PSTPIP2: variants seen among roughly 807,000 people sequenced by gnomAD.
PSTPIP2 encodes the protein proline-serine-threonine phosphatase-interacting protein 2.
A neutral mutation model predicts 63.3 loss-of-function variants in PSTPIP2; 33 were observed. The observed-to-expected ratio is 0.52, with a 90% CI of 0.40 to 0.70. PSTPIP2 has a LOEUF of 0.70. Among genes scored for constraint, PSTPIP2 ranks in the 30% least tolerant of loss-of-function variants. The pLI is 0.00. For missense variants in PSTPIP2, 312 were observed against 400.7 expected (o/e 0.78, Z 1.89); for synonymous variants, 125 against 132.7 (o/e 0.94, Z 0.40).
intron 1 of PSTPIP2, among the ~76,000 whole-genome samples, chr18:46,042,767 C>T (rs1230564570): frequency 6.6e-6 from 1 of 152,146 alleles, no homozygotes; most frequent in Non-Finnish European, 1.5e-5. Flanking sequence ...TGGAGGATGT[C>T]TTGGTGCATC....
At chr18:46,033,598 T>C (rs986658535) in intron 2 of PSTPIP2, among the ~76,000 whole-genome samples, 3 of 150,738 alleles carry the variant, frequency 2.0e-5, no homozygotes, top group Non-Finnish European at 4.4e-5. Context: ...CTTAGGAGGC[T>C]GAGGCAGGAG....
Position 46,011,656 on chromosome 18 carries a change from CT to C in PSTPIP2, c.248-370del, listed in dbSNP as rs200640488. On this transcript the variant is annotated intron_variant, in intron 4 of 14. Transcript: ENST00000409746. ...TCTCTGTAGATGACCTCTAAGTTTCCTTCCATCTCTAATGTCTCATGAGCCT... is the reference window on the plus strand; with the variant it reads ...TCTCTGTAGATGACCTCTAAGTTTCCTCCATCTCTAATGTCTCATGAGCCT... 6.6e-3 allele frequency among the ~76,000 whole-genome samples: 1,010 copies of C among 152,296 alleles called. 13 individuals carry two copies. Among genetic ancestry groups the C allele is most frequent in the African/African-American group, 0.023 (948 of 41,556 alleles).
At chr18:46,053,176 T>C (rs937445191) in intron 1 of PSTPIP2, among the ~76,000 whole-genome samples, 9 of 152,206 alleles carry the variant, frequency 5.9e-5, no homozygotes, top group African/African-American at 2.2e-4. Flanking sequence ...ATGTGACTCT[T>C]GTTTCTACTT....
At chr18:46,007,374 C>T (rs1237112821) in intron 5 of PSTPIP2, among the ~76,000 whole-genome samples, 3 of 152,222 alleles carry the variant, frequency 2.0e-5, no homozygotes, top group Non-Finnish European at 4.4e-5. Context: ...GCTGGCCATT[C>T]GCCTGCTAAT....
chr18:45,988,527 T>C (rs1478471689), intron 14 of PSTPIP2, among the ~76,000 whole-genome samples, 175 bp downstream of exon 14: 1 of 151,858 alleles, frequency 6.6e-6, no homozygotes, highest in Admixed American at 6.6e-5. Flanking sequence ...TCCAGTCTGC[T>C]TCCAGCTGTG....
chr18:46,054,639 C>T (rs60043398), intron 1 of PSTPIP2, among the ~76,000 whole-genome samples: 2,749 of 151,394 alleles, frequency 0.018, 94 homozygotes, highest in African/African-American at 0.064. Context: ...AACCTAAAAC[C>T]GCTCTAAATA....
chr18:46,039,845 C>G, intron 2 of PSTPIP2, 102 bp downstream of exon 2: 3 of 992,712 alleles, frequency 3.0e-6, no homozygotes, highest in Non-Finnish European at 4.8e-6. Flanking sequence ...GAGAGAGGGT[C>G]TTCAGAACCA....
At chr18:46,069,924 T>C (rs1909330676) in intron 1 of PSTPIP2, among the ~76,000 whole-genome samples, 1 of 152,194 alleles carries the variant, frequency 6.6e-6, no homozygotes, top group Admixed American at 6.5e-5. Flanking sequence ...CACTCACTTC[T>C]TTTACTTGTC....
chr18:46,050,547 T>C (rs1001434354), intron 1 of PSTPIP2, among the ~76,000 whole-genome samples: 3 of 151,426 alleles, frequency 2.0e-5, no homozygotes, highest in African/African-American at 7.3e-5. Flanking sequence ...AATGAGACCC[T>C]TTCTCAAAAA....
intron 3 of PSTPIP2, among the ~76,000 whole-genome samples, chr18:46,018,567 C>A (rs2051877526): frequency 1.3e-5 from 2 of 152,154 alleles, no homozygotes; most frequent in Admixed American, 1.3e-4. Context: ...CAGGGTTTTT[C>A]CATGTTGACC....
intron 3 of PSTPIP2, among the ~76,000 whole-genome samples, chr18:46,022,949 G>A (rs1245534359): frequency 6.6e-6 from 1 of 152,156 alleles, no homozygotes; most frequent in African/African-American, 2.4e-5. Context: ...AAAAGAATGA[G>A]ATCATGTCCT....
At chr18:46,018,482 C>CCTCA (rs2051875690) in intron 3 of PSTPIP2, among the ~76,000 whole-genome samples, 1 of 152,080 alleles carries the variant, frequency 6.6e-6, no homozygotes, top group Non-Finnish European at 1.5e-5. Context: ...AATTCTCCTG[C>CCTCA]CTCAGCCTCC....
intron 6 of PSTPIP2, among the ~76,000 whole-genome samples, chr18:46,000,440 C>T (rs2051651415): frequency 6.6e-6 from 1 of 152,182 alleles, no homozygotes. Context: ...AATCTCGGCT[C>T]ACTGCAGCCT....
intron 1 of PSTPIP2, among the ~76,000 whole-genome samples, chr18:46,050,486 G>A (rs373258997): frequency 2.6e-5 from 4 of 152,144 alleles, no homozygotes; most frequent in Non-Finnish European, 4.4e-5. Flanking sequence ...GTGAGAGGTC[G>A]AGGCTGAGGT....
At chr18:46,030,665 C>G (rs1456863028) in intron 2 of PSTPIP2, among the ~76,000 whole-genome samples, 1 of 152,208 alleles carries the variant, frequency 6.6e-6, no homozygotes. Flanking sequence ...TCTTGCTTGA[C>G]TAAATTTTAT....
At chr18:46,012,263 T>C (rs373286874) in intron 4 of PSTPIP2, among the ~76,000 whole-genome samples, 1 of 151,910 alleles carries the variant, frequency 6.6e-6, no homozygotes, top group South Asian at 2.1e-4. Context: ...AAAACAGCAC[T>C]GTTGGGGAAA....
intron 1 of PSTPIP2, among the ~76,000 whole-genome samples, chr18:46,071,215 C>G (rs1909380066): frequency 6.6e-6 from 1 of 152,140 alleles, no homozygotes; most frequent in Non-Finnish European, 1.5e-5. Flanking sequence ...AGCTGTGAAG[C>G]TACCTGGGTG....
Position 45,996,625 on chromosome 18 carries a change from TA to T in PSTPIP2, c.642+1123del, listed in dbSNP as rs1392665265. 2.2e-3 allele frequency among the ~76,000 whole-genome samples: 297 copies of T among 134,652 alleles called. 1 individual carries two copies. Among genetic ancestry groups the T allele is most frequent in the Admixed American group, 2.7e-3 (36 of 13,318 alleles). 88.3% of individuals were successfully genotyped at this position (134,652 alleles called of 152,430 possible). ...GGTGAAATTGAAGGTATGAGGAGAG[TA>T]AAAAAAAAAAAGAAAACCCTCCAGC... On this transcript the variant is annotated intron_variant, in intron 9 of 14. Transcript: ENST00000409746.
intron 8 of PSTPIP2, 62 bp downstream of exon 8, chr18:45,998,732 C>T: frequency 2.0e-6 from 3 of 1,529,440 alleles, no homozygotes; most frequent in African/African-American, 1.4e-5. Flanking sequence ...CTCAGGGACA[C>T]ATTTAGGATA....
Sources: gnomAD v4.1 joint callset for allele counts (sites outside exome capture counted in the v4.1 genomes callset) on GRCh38, gnomAD v4.1.1 for gene constraint, MANE v1.5 for transcripts, NCBI Gene and HGNC (gene_info 2026-07-23, HGNC 2026-07-21) for gene names.